The following UFL1 variants were observed in gnomAD, a reference collection of about 807,000 sequenced individuals.
UFL1 encodes the protein UFM1 specific ligase 1.
In UFL1, 78 loss-of-function variants were observed where a neutral mutation model predicts 99.3. The observed-to-expected ratio is 0.79, with a 90% CI of 0.65 to 0.95. The LOEUF (loss-of-function observed/expected upper bound fraction) is 0.95. Ranked by LOEUF, UFL1 falls within the 40% of genes least tolerant of loss-of-function variation. The pLI is 0.00. For synonymous variants in UFL1, 335 were observed against 322.2 expected (o/e 1.04, Z -0.42); for missense variants, 936 against 937.0 (o/e 1.00, Z 0.01).
At chr6:96,528,686 A>C in intron 6 of UFL1, 54 bp downstream of exon 6, 3 of 1,516,780 alleles carry the variant, frequency 2.0e-6, no homozygotes, top group Middle Eastern at 1.8e-4. Flanking sequence ...CATGGTTTGC[A>C]TTTTTTTCCT....
chr6:96,537,245 G>A (rs2127951088), intron 8 of UFL1, 129 bp from the exon 9 acceptor site: 2 of 585,554 alleles, frequency 3.4e-6, no homozygotes, highest in Admixed American at 3.9e-5. Flanking sequence ...TATTTGGGGT[G>A]GAGTTAGAGG....
chr6:96,532,185 C>G (rs551555099), intron 6 of UFL1, among the ~76,000 whole-genome samples: 1 of 152,254 alleles, frequency 6.6e-6, no homozygotes, highest in East Asian at 1.9e-4. Flanking sequence ...AAATTTTGCA[C>G]AACTCAATTC....
In UFL1 at chr6:96,544,921, A is replaced by G. The variant is rs553067181; in HGVS notation, c.1402+1905A>G. Among the ~76,000 whole-genome samples the G allele has an allele frequency of 2.1e-4, 32 of 151,180 alleles. No individual in the cohort carries two copies. In the South Asian group the frequency reaches 2.3e-3, roughly 11 times the overall value. Reference sequence around the variant, plus strand: ...TTCTACCTTTAAAAATATAATTTCAATGCTTTTGAAAAAAAATTTATGTTG... The same window carrying G: ...TTCTACCTTTAAAAATATAATTTCAGTGCTTTTGAAAAAAAATTTATGTTG... On this transcript the variant is annotated intron_variant, in intron 12 of 18. Transcript: ENST00000369278.
intron 8 of UFL1, 48 bp from the exon 9 acceptor site, chr6:96,537,326 C>T: frequency 1.4e-6 from 2 of 1,470,362 alleles, no homozygotes; most frequent in South Asian, 1.4e-5. Context: ...TCACTTTTGT[C>T]TTACATGTAA....
At chr6:96,525,994 G>A (rs1383511237) in intron 4 of UFL1, among the ~76,000 whole-genome samples, 1 of 151,840 alleles carries the variant, frequency 6.6e-6, no homozygotes, top group Non-Finnish European at 1.5e-5. Context: ...GCTGAGGTAG[G>A]AGGATTGCTT....
At chr6:96,534,555 A>G (rs896981897) in intron 7 of UFL1, among the ~76,000 whole-genome samples, 1 of 151,844 alleles carries the variant, frequency 6.6e-6, no homozygotes, top group African/African-American at 2.4e-5. Context: ...GTAAGCATTT[A>G]TAATGAAAAT....
At chr6:96,550,693 A>C (rs1018069566) in intron 15 of UFL1, among the ~76,000 whole-genome samples, 1 of 151,938 alleles carries the variant, frequency 6.6e-6, no homozygotes, top group African/African-American at 2.4e-5. Context: ...TTAAGAAGCA[A>C]ATCCCCAGTT....
chr6:96,550,032 GT>G (rs1256549191), intron 15 of UFL1, among the ~76,000 whole-genome samples: 1 of 151,828 alleles, frequency 6.6e-6, no homozygotes, highest in Non-Finnish European at 1.5e-5. Flanking sequence ...AGAATAAACA[GT>G]TTTTTCCCTA....
intron 1 of UFL1, 136 bp downstream of exon 1, chr6:96,522,086 G>A: frequency 9.5e-7 from 1 of 1,052,044 alleles, no homozygotes; most frequent in Non-Finnish European, 1.4e-6. Context: ...TCCTCCCTCT[G>A]TCCCGAGCCT....
At chr6:96,543,563 T>C (rs1769959873) in intron 12 of UFL1, among the ~76,000 whole-genome samples, 1 of 151,130 alleles carries the variant, frequency 6.6e-6, no homozygotes, top group Non-Finnish European at 1.5e-5. Flanking sequence ...ATAGAGGGAA[T>C]GGCTGACTGT....
At chr6:96,532,826 C>T (rs1769800797) in intron 6 of UFL1, among the ~76,000 whole-genome samples, 1 of 152,126 alleles carries the variant, frequency 6.6e-6, no homozygotes, top group African/African-American at 2.4e-5. Flanking sequence ...GTTATAGCAA[C>T]ACTAAACTGA....
At chr6:96,522,877 A>C (rs925020141) in intron 1 of UFL1, 8 of 259,952 alleles carry the variant, frequency 3.1e-5, no homozygotes, top group Admixed American at 5.4e-5. Context: ...GAAGATTGGA[A>C]GCAGGCCTGT....
chr6:96,528,154 A>G (rs546863188), intron 5 of UFL1, among the ~76,000 whole-genome samples: 13 of 152,338 alleles, frequency 8.5e-5, no homozygotes, highest in Non-Finnish European at 1.9e-4. Flanking sequence ...CTCTCTATAT[A>G]TTGGAGGCTG....
In UFL1 at chr6:96,549,532, G is replaced by A. The variant is rs147138482; in HGVS notation, c.1641G>A (p.Leu547=). 8.8e-4 allele frequency: 1,405 copies of A among 1,597,548 alleles called. 2 individuals are homozygous for A. Among genetic ancestry groups the A allele is most frequent in the Admixed American group, 2.0e-3 (112 of 55,440 alleles). Residue 547 remains leucine (L), a synonymous_variant, in exon 14 of 19, where the codon CTG becomes CTA. Transcript: ENST00000369278. ...IKDLQEEVSN[L]YNNIRLFEKG... ...ACTTGCAAGAAGAAGTTTCAAACCT[G>A]TACAATAACATTAGGTTATTTGAAA...
intron 13 of UFL1, 55 bp downstream of exon 13, chr6:96,548,336 A>C: frequency 8.9e-7 from 1 of 1,124,108 alleles, no homozygotes; most frequent in Non-Finnish European, 1.3e-6. Context: ...TGGGTTATTA[A>C]ATAAGATTTT....
At chr6:96,537,694 T>C in intron 9 of UFL1, 145 bp downstream of exon 9, 1 of 767,910 alleles carries the variant, frequency 1.3e-6, no homozygotes, top group Non-Finnish European at 1.9e-6. Context: ...AAATAATCTT[T>C]ATGCTTAAAG....
At chr6:96,542,273 A>C (rs1769941518) in intron 11 of UFL1, among the ~76,000 whole-genome samples, 2 of 151,290 alleles carry the variant, frequency 1.3e-5, no homozygotes, top group Admixed American at 1.3e-4. Context: ...TTTATACTTA[A>C]CCAATTAATA....
At chr6:96,530,242 A>C (rs1769765240) in intron 6 of UFL1, among the ~76,000 whole-genome samples, 1 of 152,200 alleles carries the variant, frequency 6.6e-6, no homozygotes, top group Non-Finnish European at 1.5e-5. Flanking sequence ...ATTATTTTAT[A>C]GAATGTTCAT....
chr6:96,528,523 A>G lies in UFL1; in HGVS notation c.487A>G (p.Arg163Gly), dbSNP rs774358913. The change falls in exon 6 of 19, where the codon AGA (arginine) becomes GGA (glycine). Residue 163 changes from arginine (R) to glycine (G), a missense_variant. Physicochemically the swap from Arg to Gly is moderately radical, Grantham distance 125 (BLOSUM62 -2). Coordinates refer to ENST00000369278, the MANE Select transcript of UFL1 (RefSeq NM_015323.5). ...LTQALTQRLGRIISGHIDLDN... is the reference protein window; with the variant it reads ...LTQALTQRLGGIISGHIDLDN... ...ACAGGCACTAACTCAGCGACTTGGT[A>G]GAATTATCAGTGGACATATTGATCT... The G allele has an allele frequency of 7.4e-6, 12 of 1,613,150 alleles. No homozygotes were observed. Among genetic ancestry groups the G allele is most frequent in the African/African-American group, 1.3e-5 (1 of 75,020 alleles).
Sources: gnomAD v4.1 joint callset for allele counts (sites outside exome capture counted in the v4.1 genomes callset) on GRCh38, gnomAD v4.1.1 for gene constraint, MANE v1.5 for transcripts, NCBI Gene and HGNC (gene_info 2026-07-23, HGNC 2026-07-21) for gene names.